Variants in PDE11A observed in about 807,000 individuals in gnomAD.
PDE11A encodes phosphodiesterase 11A.
A neutral mutation model predicts 100.5 loss-of-function variants in PDE11A; 100 were observed. The observed-to-expected ratio is 1.00, with a 90% CI of 0.85 to 1.18. The LOEUF (loss-of-function observed/expected upper bound fraction) is 1.18. Among genes scored for constraint, PDE11A ranks in the 50% most tolerant of loss-of-function variants. PDE11A has a pLI of 0.00. For synonymous variants in PDE11A, 381 were observed against 420.8 expected (o/e 0.91, Z 1.16); for missense variants, 1,141 against 1,152.6 (o/e 0.99, Z 0.15).
At chr2:177,669,330 A>G (rs543704187) in intron 18 of PDE11A, among the ~76,000 whole-genome samples, 163 bp downstream of exon 18, 1 of 152,296 alleles carries the variant, frequency 6.6e-6, no homozygotes, top group Non-Finnish European at 1.5e-5. Context: ...GAAACTTGGG[A>G]ATAAGAGTGT....
At chr2:177,846,955 T>C (rs898909033) in intron 5 of PDE11A, among the ~76,000 whole-genome samples, 2 of 152,214 alleles carry the variant, frequency 1.3e-5, no homozygotes, top group Non-Finnish European at 2.9e-5. Context: ...CCAAGTTCCA[T>C]GGTTTGTGGC....
chr2:177,936,047 CATCTATGTATTT>C (rs1417126135), intron 2 of PDE11A, among the ~76,000 whole-genome samples: 1 of 152,134 alleles, frequency 6.6e-6, no homozygotes, highest in East Asian at 1.9e-4. Context: ...TCTTCTAAGA[CATCTATGTATTT>C]ATCTTAACCT....
chr2:177,936,937 T>A (rs1220968219), intron 2 of PDE11A, among the ~76,000 whole-genome samples: 1 of 151,550 alleles, frequency 6.6e-6, no homozygotes. Context: ...AAAAAAAATT[T>A]AAGGGATACT....
At chr2:177,657,988 G>C (rs1559129557) in intron 19 of PDE11A, among the ~76,000 whole-genome samples, 1 of 152,174 alleles carries the variant, frequency 6.6e-6, no homozygotes, top group African/African-American at 2.4e-5. Context: ...AAGGGGGCTT[G>C]CCAAGAGGCT....
In PDE11A at chr2:177,628,222, A is replaced by T. The variant is rs1240411591; in HGVS notation, c.*1185T>A. 6.5e-6 allele frequency: 1 copy of T among 152,690 alleles called. No homozygotes were observed. Among genetic ancestry groups the T allele is most frequent in the African/African-American group, 2.4e-5 (1 of 41,468 alleles). The allele number at this position is 152,690 out of a possible 1,614,324, so 9.5% of individuals were successfully genotyped here. ...GAAGTTAAGTGACTTGTTCAAGTCA[A>T]TCCAGTCAATAATGCCAAAGCTAAG... is the stretch of plus-strand genomic sequence containing the variant. On this transcript the variant is annotated 3_prime_UTR_variant, in exon 20 of 20. Coordinates refer to ENST00000286063, the MANE Select transcript of PDE11A (RefSeq NM_016953.4).
chr2:177,936,985 T>C (rs1473570661), intron 2 of PDE11A, among the ~76,000 whole-genome samples: 1 of 152,164 alleles, frequency 6.6e-6, no homozygotes, highest in Non-Finnish European at 1.5e-5. Context: ...TTTTTGATAC[T>C]TCTCGGAGCT....
intron 1 of PDE11A, among the ~76,000 whole-genome samples, chr2:178,057,807 G>A (rs1439248499): frequency 6.6e-6 from 1 of 152,090 alleles, no homozygotes; most frequent in Non-Finnish European, 1.5e-5. Context: ...CTACCCTTAT[G>A]TATGAGAAAA....
chr2:177,692,838 T>C (rs2081059930), intron 15 of PDE11A, among the ~76,000 whole-genome samples: 2 of 152,360 alleles, frequency 1.3e-5, no homozygotes, highest in South Asian at 4.1e-4. Flanking sequence ...TCATAAGTTT[T>C]TGTGGATGTT....
intron 6 of PDE11A, among the ~76,000 whole-genome samples, chr2:177,822,534 C>T (rs2083156961): frequency 6.6e-6 from 1 of 152,002 alleles, no homozygotes; most frequent in African/African-American, 2.4e-5. Context: ...GCAAATCCTC[C>T]AACTTTTTCC....
intron 5 of PDE11A, among the ~76,000 whole-genome samples, chr2:177,844,462 A>G (rs1395643529): frequency 6.6e-6 from 1 of 151,974 alleles, no homozygotes; most frequent in African/African-American, 2.4e-5. Flanking sequence ...AGACACAAAC[A>G]TTCAGACCAG....
intron 7 of PDE11A, among the ~76,000 whole-genome samples, chr2:177,818,965 A>ATC (rs1553478390): frequency 6.6e-6 from 1 of 151,902 alleles, no homozygotes; most frequent in Admixed American, 6.6e-5. Flanking sequence ...ATATATATAT[A>ATC]AATAATGAAA....
chr2:177,895,055 T>G (rs758623837), intron 4 of PDE11A, among the ~76,000 whole-genome samples: 1 of 152,014 alleles, frequency 6.6e-6, no homozygotes, highest in Admixed American at 6.6e-5. Flanking sequence ...CTGTCACTCA[T>G]ATTGGCTCAG....
intron 2 of PDE11A, among the ~76,000 whole-genome samples, chr2:178,101,762 G>T (rs887908914): frequency 2.0e-5 from 3 of 152,058 alleles, no homozygotes; most frequent in African/African-American, 7.2e-5. Flanking sequence ...AGGAACCCAG[G>T]ACAAAGACCA....
chr2:177,945,655 C>T (rs1281639721), intron 2 of PDE11A, among the ~76,000 whole-genome samples: 4 of 152,178 alleles, frequency 2.6e-5, no homozygotes, highest in Non-Finnish European at 5.9e-5. Context: ...AGGAGCCTCT[C>T]CGCCCGGCAG....
chr2:177,873,750 G>A (rs2084184390), intron 5 of PDE11A, among the ~76,000 whole-genome samples: 1 of 152,096 alleles, frequency 6.6e-6, no homozygotes, highest in East Asian at 1.9e-4. Context: ...AGAATGTCCT[G>A]TAAATGAAGT....
intron 9 of PDE11A, among the ~76,000 whole-genome samples, chr2:177,796,067 C>A (rs1300667976): frequency 6.8e-6 from 1 of 146,676 alleles, no homozygotes; most frequent in African/African-American, 2.5e-5. Flanking sequence ...TATATCTTTG[C>A]TGTAAGATTT....
chr2:177,934,233 C>T (rs2085245671), intron 2 of PDE11A, among the ~76,000 whole-genome samples: 1 of 152,118 alleles, frequency 6.6e-6, no homozygotes, highest in Non-Finnish European at 1.5e-5. Context: ...GCAAACTATG[C>T]ATCAGACAAA....
chr2:177,823,186 A>AT (rs2083169234), intron 6 of PDE11A, among the ~76,000 whole-genome samples: 3 of 152,286 alleles, frequency 2.0e-5, no homozygotes, highest in Non-Finnish European at 4.4e-5. Flanking sequence ...AAAAATATTT[A>AT]TTTACCACCT....
intron 2 of PDE11A, among the ~76,000 whole-genome samples, chr2:177,956,353 C>A (rs1335592471): frequency 1.3e-5 from 2 of 152,056 alleles, no homozygotes; most frequent in Non-Finnish European, 2.9e-5. Flanking sequence ...ATCAAAACCA[C>A]AATGAGATAC....
Sources: gnomAD v4.1 joint callset for allele counts (sites outside exome capture counted in the v4.1 genomes callset) on GRCh38, gnomAD v4.1.1 for gene constraint, MANE v1.5 for transcripts, NCBI Gene and HGNC (gene_info 2026-07-23, HGNC 2026-07-21) for gene names.